The following SPATA6L variants were observed in gnomAD, a reference collection of about 807,000 sequenced individuals.
SPATA6L encodes the protein spermatogenesis associated 6 like.
Under a neutral mutation model 49.2 loss-of-function variants are expected in SPATA6L, and 68 were observed. The observed-to-expected ratio is 1.38, with a 90% CI of 1.14 to 1.69. SPATA6L has a LOEUF of 1.69. Ranked by LOEUF, SPATA6L falls within the 40% of genes most tolerant of loss-of-function variation. The probability of loss-of-function intolerance (pLI) is 0.00; values close to 1 mark genes in which losing one functional copy is unlikely to be tolerated. For missense variants in SPATA6L, 668 were observed against 464.3 expected (o/e 1.44, Z -4.03); for synonymous variants, 198 against 165.7 (o/e 1.19, Z -1.50).
chr9:4,619,589 G>A (rs1351839714), intron 7 of SPATA6L, among the ~76,000 whole-genome samples: 6 of 152,108 alleles, frequency 3.9e-5, no homozygotes, highest in Non-Finnish European at 8.8e-5. Flanking sequence ...AGAAAGTACT[G>A]TGTGTCTAAT....
intron 3 of SPATA6L, among the ~76,000 whole-genome samples, chr9:4,644,995 T>C (rs1037865533): frequency 6.6e-6 from 1 of 152,222 alleles, no homozygotes; most frequent in Non-Finnish European, 1.5e-5. Context: ...ACCTCTGTCA[T>C]TGTTCTGCAA....
At chr9:4,648,072 T>A (rs1251705041) in intron 3 of SPATA6L, among the ~76,000 whole-genome samples, 2 of 152,122 alleles carry the variant, frequency 1.3e-5, no homozygotes. Context: ...TGACCTCAGG[T>A]GATTTGCCCA....
intron 6 of SPATA6L, among the ~76,000 whole-genome samples, chr9:4,624,692 C>G (rs1830016786): frequency 6.8e-6 from 1 of 147,450 alleles, no homozygotes; most frequent in Non-Finnish European, 1.5e-5. Flanking sequence ...TGTGTCACTG[C>G]ACTCCAGCCT....
chr9:4,662,404 G>T lies in SPATA6L; in HGVS notation c.40-368C>A. 6.5e-7 allele frequency: 1 copy of T among 1,535,524 alleles called. No individual in the cohort carries two copies. The highest frequency in any genetic ancestry group is 8.7e-7 in the Non-Finnish European group (1 of 1,148,840). On this transcript the variant is annotated intron_variant, in intron 1 of 11. Transcript: ENST00000682582. This position sits in a 1 kb window ranked among gnomAD's most constrained non-coding sequence, Gnocchi z 4.9. ...CCAAGTCCCCGGAGGAGCATGGAGG[G>T]ACGGCCGCTGGGCGTCTCCGCTTCG...
chr9:4,592,909 T>C (rs932885706), intron 13 of SPATA6L, among the ~76,000 whole-genome samples: 1 of 152,188 alleles, frequency 6.6e-6, no homozygotes, highest in African/African-American at 2.4e-5. Flanking sequence ...ACCTTTAGTA[T>C]GCCAATCATA....
intron 1 of SPATA6L, chr9:4,663,487 T>A (rs1840356613): frequency 1.9e-6 from 1 of 526,360 alleles, no homozygotes; most frequent in African/African-American, 1.9e-5. Context: ...AAATCCTCTA[T>A]TGTATATTTA....
In SPATA6L at chr9:4,629,109, C is replaced by A. The variant is rs1398039289; in HGVS notation, c.411G>T (p.Leu137=). The A allele has an allele frequency of 1.2e-6, 2 of 1,606,420 alleles. No homozygotes were observed. Among genetic ancestry groups the A allele is most frequent in the Admixed American group, 1.7e-5 (1 of 59,830 alleles). The part of the protein sequence containing the change: ...TRTAIRECVF[L]HRNRFLEERH... ...TACTTACAAGAAATCTGTTTCTATG[C>A]AGAAACACACATTCTCTGATGGCTG... Residue 137 remains leucine, a synonymous_variant, in exon 5 of 12, where the codon CTG becomes CTT. Coordinates refer to ENST00000682582, the MANE Select transcript of SPATA6L (RefSeq NM_001353486.2).
rs903718891 is a variant in SPATA6L at position 4,614,199 on chromosome 9, G to A, written c.995+3724C>T. On this transcript the variant is annotated intron_variant, in intron 9 of 11. Transcript: ENST00000682582. ...TGCTGAAGGGGCATGACGCTATTCA[G>A]ATGGTGGATACAGGGAACAGGCTTG... Among the ~76,000 whole-genome samples, 4 of 152,280 alleles carry A rather than the reference G, an allele frequency of 2.6e-5. No homozygotes were observed. The South Asian group carries it at 6.2e-4, about 24-fold the overall frequency.
At chr9:4,603,469 A>T (rs1823879564) in intron 11 of SPATA6L, among the ~76,000 whole-genome samples, 1 of 152,166 alleles carries the variant, frequency 6.6e-6, no homozygotes, top group African/African-American at 2.4e-5. Context: ...CTGAGCAGCA[A>T]CCATTGTGGA....
intron 3 of SPATA6L, among the ~76,000 whole-genome samples, chr9:4,652,959 C>T (rs184684466): frequency 7.6e-4 from 116 of 152,074 alleles, no homozygotes; most frequent in Admixed American, 1.4e-3. Flanking sequence ...AATTGATCTA[C>T]AGTCAATGGA....
chr9:4,641,095 T>C (rs552431087), intron 3 of SPATA6L, among the ~76,000 whole-genome samples: 15 of 152,352 alleles, frequency 9.8e-5, no homozygotes, highest in African/African-American at 3.1e-4. Context: ...ATACATATTC[T>C]GCAACTGACT....
In SPATA6L at chr9:4,625,159, G is replaced by C. The variant is rs1022278912; in HGVS notation, c.669+168C>G. ...TAAGGTACCTTTCTAGGGGTTTCCT[G>C]ACAACGATCTAGGAAATGAACATAA... On this transcript the variant is annotated intron_variant, in intron 6 of 11. Transcript: ENST00000682582. 1.7e-5 allele frequency: 22 copies of C among 1,277,742 alleles called. 1 individual carries two copies. Among genetic ancestry groups the C allele is most frequent in the Non-Finnish European group, 2.2e-5 (21 of 973,894 alleles). 79.2% of individuals were successfully genotyped at this position (1,277,742 alleles called of 1,614,324 possible). A position where few individuals can be genotyped will look rare whatever the true frequency, so the allele number is the denominator to read the frequency against.
Position 4,654,797 on chromosome 9 carries a change from G to A in SPATA6L, c.226+1244C>T, listed in dbSNP as rs371265273. 2.6e-5 allele frequency among the ~76,000 whole-genome samples: 4 copies of A among 152,240 alleles called. No homozygotes were observed. The East Asian group carries it at 5.8e-4, about 22-fold the overall frequency. Reference sequence around the variant, plus strand: ...CCGCTTCTGTCTCTGCCTTGCTAGGGTCTCCGTCTGTTACAGGCACAGGAT... The same window carrying A: ...CCGCTTCTGTCTCTGCCTTGCTAGGATCTCCGTCTGTTACAGGCACAGGAT... On this transcript the variant is annotated intron_variant, in intron 3 of 11. Transcript: ENST00000682582.
rs1351943 is a variant in SPATA6L at position 4,655,889 on chromosome 9, C to G, written c.226+152G>C. The G allele has an allele frequency of 2.0e-3, 1,272 of 648,994 alleles. 3 individuals carry two copies. The highest frequency in any genetic ancestry group is 2.8e-3 in the Non-Finnish European group (1,075 of 390,636). 40.2% of individuals were successfully genotyped at this position (648,994 alleles called of 1,614,324 possible). A position where few individuals can be genotyped will look rare whatever the true frequency, so the allele number is the denominator to read the frequency against. On this transcript the variant is annotated intron_variant, in intron 3 of 11. Transcript: ENST00000682582. The stretch of plus-strand genomic sequence containing the variant: ...TATAGAAAAGGGTATGTAACAGAAT[C>G]AAAAATGTGATTCAAATTTTACGTA...
At position 4,662,770 on chromosome 9, in the gene SPATA6L, C is replaced by A; in HGVS notation, c.40-734G>T. The A allele has an allele frequency of 6.2e-7, 1 of 1,605,090 alleles. No individual in the cohort carries two copies. On this transcript the variant is annotated intron_variant, in intron 1 of 11. Transcript: ENST00000682582. This position sits in a 1 kb window ranked among gnomAD's most constrained non-coding sequence, Gnocchi z 4.9. The stretch of plus-strand genomic sequence containing the variant: ...AGCTCGTCGTGGGGCAGCGTGCGAC[C>A]CCTTATGAAGCTGCTGGAGATCTCG...
rs773115911 is a variant in SPATA6L at position 4,605,355 on chromosome 9, G to A, written c.1081C>T (p.Gln361Ter). Residue 361 changes from glutamine (Q) to a stop codon, truncating the protein, a stop_gained, in exon 10 of 12, where the codon CAA (glutamine) becomes TAA (stop). Coordinates refer to ENST00000682582, the MANE Select transcript of SPATA6L (RefSeq NM_001353486.2). LOFTEE classifies it high-confidence loss of function. Reference protein sequence around the residue: ...LLTSHRAQLHQNKEDSTSEVN... With the variant: ...LLTSHRAQLH ...TTATAAGAAAGTCTAACCTTGTTTT[G>A]GTGCAGCTGTGCTCTGTGGGATGTC... 1.2e-6 allele frequency: 2 copies of A among 1,613,120 alleles called. No homozygotes were observed. The highest frequency in any genetic ancestry group is 1.7e-6 in the Non-Finnish European group (2 of 1,179,124).
intron 3 of SPATA6L, among the ~76,000 whole-genome samples, chr9:4,649,393 AT>A (rs1383564997): frequency 6.6e-6 from 1 of 152,152 alleles, no homozygotes; most frequent in African/African-American, 2.4e-5. Flanking sequence ...AACATCTACT[AT>A]TTTTTGATTT....
Position 4,644,183 on chromosome 9 carries a change from C to CAAAA in SPATA6L, c.227-8788_227-8785dup, listed in dbSNP as rs58325546. Among the ~76,000 whole-genome samples the CAAAA allele has an allele frequency of 6.1e-4, 28 of 45,712 alleles. 3 individuals carry two copies. Among genetic ancestry groups the CAAAA allele is most frequent in the African/African-American group, 1.3e-3 (23 of 17,266 alleles). 30.0% of individuals were successfully genotyped at this position (45,712 alleles called of 152,430 possible). A position where few individuals can be genotyped will look rare whatever the true frequency, so the allele number is the denominator to read the frequency against. ...GCAACATAGTAAGATGCCATCTCTGCAAAAAAAAAAAAAAAAAAAAAAAAA... is the reference window on the plus strand; with the variant it reads ...GCAACATAGTAAGATGCCATCTCTGCAAAAAAAAAAAAAAAAAAAAAAAAAAAAA... On this transcript the variant is annotated intron_variant, in intron 3 of 11. Transcript: ENST00000682582.
At chr9:4,651,303 T>G (rs1836795018) in intron 3 of SPATA6L, among the ~76,000 whole-genome samples, 1 of 152,182 alleles carries the variant, frequency 6.6e-6, no homozygotes, top group Non-Finnish European at 1.5e-5. Context: ...CTAATAACAC[T>G]GACTCAAGAA....
Sources: gnomAD v4.1 joint callset for allele counts (sites outside exome capture counted in the v4.1 genomes callset) on GRCh38, gnomAD v4.1.1 for gene constraint, Gnocchi (gnomAD v3.1) non-coding constraint, MANE v1.5 for transcripts, NCBI Gene and HGNC (gene_info 2026-07-23, HGNC 2026-07-21) for gene names.